MCF2L: variants seen among roughly 807,000 people sequenced by gnomAD.
The protein encoded by MCF2L is MCF.2 cell line derived transforming sequence like, also known as guanine nucleotide exchange factor DBS.
Under a neutral mutation model 153.4 loss-of-function variants are expected in MCF2L, and 97 were observed. That is an observed-to-expected ratio of 0.63 (90% CI 0.54 to 0.75). The LOEUF (loss-of-function observed/expected upper bound fraction) is 0.75. MCF2L is among the 30% of genes least tolerant of loss of function. The probability of loss-of-function intolerance (pLI) is 0.00; values close to 1 mark genes in which losing one functional copy is unlikely to be tolerated. For synonymous variants in MCF2L, 659 were observed against 632.2 expected (o/e 1.04, Z -0.64); for missense variants, 1,347 against 1,495.2 (o/e 0.90, Z 1.64).
At chr13:112,926,092 A>C (rs1423904371) in intron 2 of MCF2L, among the ~76,000 whole-genome samples, 1 of 152,262 alleles carries the variant, frequency 6.6e-6, no homozygotes, top group East Asian at 1.9e-4. Flanking sequence ...GAGGGGATAA[A>C]CAGAACATGG....
At chr13:113,023,407 T>G (rs1250359548) in intron 2 of MCF2L, among the ~76,000 whole-genome samples, 1 of 152,064 alleles carries the variant, frequency 6.6e-6, no homozygotes, top group Non-Finnish European at 1.5e-5. Context: ...CACTGGATGG[T>G]AAAGCCGCCC....
intron 2 of MCF2L, among the ~76,000 whole-genome samples, chr13:112,913,525 T>A (rs1466167524): frequency 6.6e-6 from 1 of 152,100 alleles, no homozygotes; most frequent in African/African-American, 2.4e-5. Flanking sequence ...TGAGAATGAG[T>A]TTACTCAATA....
chr13:113,067,472 G>A (rs9549346), intron 8 of MCF2L, among the ~76,000 whole-genome samples: 513 of 36,384 alleles, frequency 0.014, 12 homozygotes, highest in Middle Eastern at 0.042. Flanking sequence ...TCCCAGCTAC[G>A]CGGAGGCAGA....
rs532105430 is a variant in MCF2L at position 113,053,674 on chromosome 13, G to A, written c.370-6919G>A. On this transcript the variant is annotated intron_variant, in intron 4 of 29. Coordinates refer to ENST00000535094, the MANE Select transcript of MCF2L (RefSeq NM_001112732.3). The surrounding 1 kb of genome is among the most constrained non-coding windows in gnomAD (Gnocchi z 4.4). ...TTCTGCCTGAATGGGTGGTTCGGTG[G>A]TGGTTGCCACAGGGCTGTGTTTTCA... 5.8e-4 allele frequency among the ~76,000 whole-genome samples: 89 copies of A among 152,326 alleles called. No homozygotes were observed. Among genetic ancestry groups the A allele is most frequent in the African/African-American group, 2.0e-3 (82 of 41,574 alleles).
chr13:112,973,310 A>G (rs2082113736), intron 1 of MCF2L, among the ~76,000 whole-genome samples: 2 of 152,240 alleles, frequency 1.3e-5, no homozygotes, highest in South Asian at 2.1e-4. Flanking sequence ...CAAATGAGGT[A>G]CGTCTGTGTG....
chr13:113,088,683 C>G, intron 25 of MCF2L, 55 bp downstream of exon 25: 1 of 1,551,310 alleles, frequency 6.4e-7, no homozygotes, highest in East Asian at 2.3e-5. Context: ...CCCGAGCAGG[C>G]CATTTGCACG....
intron 27 of MCF2L, chr13:113,095,579 G>A: frequency 1.0e-6 from 1 of 998,014 alleles, no homozygotes; most frequent in Non-Finnish European, 1.2e-6. Context: ...CGTGAGGGCA[G>A]GCAGCCCAGT....
intron 1 of MCF2L, chr13:112,979,292 G>A: frequency 8.8e-7 from 1 of 1,133,798 alleles, no homozygotes. Flanking sequence ...CCCCCGCCCT[G>A]TTCGAGGAAG....
intron 9 of MCF2L, among the ~76,000 whole-genome samples, chr13:113,072,783 A>G (rs1303314858): frequency 6.6e-6 from 1 of 151,986 alleles, no homozygotes; most frequent in Non-Finnish European, 1.5e-5. Context: ...TCATCTTTCC[A>G]AAGAACTCGT....
chr13:113,060,739 G>A (rs373280922), intron 5 of MCF2L, 27 bp downstream of exon 5: 30 of 1,609,668 alleles, frequency 1.9e-5, no homozygotes, highest in Middle Eastern at 3.3e-4. Context: ...TCCATCCTGC[G>A]GTAGCAGAAC....
chr13:112,934,151 G>C (rs1200157652), intron 2 of MCF2L, among the ~76,000 whole-genome samples: 1 of 152,190 alleles, frequency 6.6e-6, no homozygotes, highest in East Asian at 1.9e-4. Flanking sequence ...CACCTCCCTG[G>C]CAGGGACCCT....
At chr13:113,075,594 C>CA (rs1358029785) in intron 11 of MCF2L, among the ~76,000 whole-genome samples, 2 of 152,166 alleles carry the variant, frequency 1.3e-5, no homozygotes, top group Non-Finnish European at 1.5e-5. Context: ...CTTCACCTCT[C>CA]AGAGTGCTGG....
chr13:113,070,113 G>T lies in MCF2L; in HGVS notation c.936G>T (p.Lys312Asn). 2 of 1,609,436 alleles carry T rather than the reference G, an allele frequency of 1.2e-6. No individual in the cohort carries two copies. Among genetic ancestry groups the T allele is most frequent in the Non-Finnish European group, 1.7e-6 (2 of 1,178,452 alleles). Residue 312 changes from lysine to asparagine, a missense_variant, in exon 9 of 30, where the codon AAG becomes AAT. Coordinates refer to ENST00000535094, the MANE Select transcript of MCF2L (RefSeq NM_001112732.3). This position sits in a 1 kb window ranked among gnomAD's most constrained non-coding sequence, Gnocchi z 5.6. ...CTGCCTTCGATGAGTTCTGGGCAAA[G>T]CATCAGCAGAAACTGGAGCAGTGTC... The part of the protein sequence containing the change: ...TEAAFDEFWA[K>N]HQQKLEQCLQ...
chr13:112,980,313 G>T (rs2082363062), intron 1 of MCF2L, among the ~76,000 whole-genome samples: 1 of 152,264 alleles, frequency 6.6e-6, no homozygotes, highest in Non-Finnish European at 1.5e-5. Flanking sequence ...CTGGCTTGAG[G>T]GGGAGAAAGG....
chr13:112,994,286 C>T (rs907711980), intron 1 of MCF2L, among the ~76,000 whole-genome samples: 4 of 145,974 alleles, frequency 2.7e-5, no homozygotes, highest in African/African-American at 7.7e-5. Flanking sequence ...GTCGGCGTGA[C>T]GGGGCGCGGC....
chr13:112,912,733 A>G (rs1001391439), intron 2 of MCF2L, among the ~76,000 whole-genome samples: 1 of 152,122 alleles, frequency 6.6e-6, no homozygotes, highest in African/African-American at 2.4e-5. Flanking sequence ...TTTCTTATAT[A>G]AATGGCTTGT....
chr13:113,026,774 T>C, intron 3 of MCF2L: 1 of 600,106 alleles, frequency 1.7e-6, no homozygotes, highest in South Asian at 2.0e-5. Flanking sequence ...TTAACAAAAA[T>C]GGTTCCCTCA....
intron 8 of MCF2L, among the ~76,000 whole-genome samples, chr13:113,067,087 C>T (rs2032493683): frequency 6.6e-6 from 1 of 152,262 alleles, no homozygotes; most frequent in South Asian, 2.1e-4. Context: ...CTGTGTCAGG[C>T]ACCTTGTCAG....
chr13:113,064,429 C>T lies in MCF2L; in HGVS notation c.606+9C>T, dbSNP rs775263268. On this transcript the variant is annotated intron_variant, in intron 6 of 29. Coordinates refer to ENST00000535094, the MANE Select transcript of MCF2L (RefSeq NM_001112732.3). The surrounding 1 kb of genome is among the most constrained non-coding windows in gnomAD (Gnocchi z 6.0). The stretch of plus-strand genomic sequence containing the variant: ...GGCTGTGCCAGCGCACGGTGAGCCG[C>T]GTCGGGGCCAGCGGGGCTGGCTGAT... 8.2e-6 allele frequency: 13 copies of T among 1,591,418 alleles called. No homozygotes were observed. The highest frequency in any genetic ancestry group is 1.1e-5 in the South Asian group (1 of 90,696).
Sources: allele counts gnomAD v4.1 joint callset (sites outside exome capture counted in the v4.1 genomes callset), GRCh38; gene constraint gnomAD v4.1.1; non-coding constraint Gnocchi (gnomAD v3.1); transcripts MANE v1.5; gene names NCBI Gene and HGNC (gene_info 2026-07-23, HGNC 2026-07-21).